PRR5L: variants seen among roughly 807,000 people sequenced by gnomAD.
PRR5L encodes the protein proline-rich protein 5-like.
A neutral mutation model predicts 36.4 loss-of-function variants in PRR5L; 21 were observed. That is an observed-to-expected ratio of 0.58 (90% confidence interval 0.41 to 0.83). PRR5L has a LOEUF of 0.83. Ranked by LOEUF, PRR5L falls within the 40% of genes least tolerant of loss-of-function variation. The pLI is 0.00. For synonymous variants in PRR5L, 188 were observed against 197.0 expected, an observed-to-expected ratio of 0.95 and a Z score of 0.38; for missense variants, 381 against 473.3, an observed-to-expected ratio of 0.80 and a Z score of 1.81.
chr11:36,399,295 T>A (rs1857737568), intron 1 of PRR5L, among the ~76,000 whole-genome samples: 1 of 152,218 alleles, frequency 6.6e-6, no homozygotes, highest in African/African-American at 2.4e-5. Flanking sequence ...AAGTCTGCTT[T>A]CCTTAAAAGA....
chr11:36,364,862 C>G (rs1857128151), intron 1 of PRR5L, among the ~76,000 whole-genome samples: 1 of 152,182 alleles, frequency 6.6e-6, no homozygotes, highest in South Asian at 2.1e-4. Context: ...CTCTAAACCT[C>G]AATTTGTTTC....
intron 1 of PRR5L, among the ~76,000 whole-genome samples, chr11:36,356,080 T>A (rs1021788295): frequency 1.3e-5 from 2 of 151,658 alleles, no homozygotes; most frequent in South Asian, 4.2e-4. Flanking sequence ...CTCAGCTAAT[T>A]TTTGTATTTT....
intron 1 of PRR5L, among the ~76,000 whole-genome samples, chr11:36,340,992 T>C (rs1337590648): frequency 6.6e-6 from 1 of 152,162 alleles, no homozygotes; most frequent in Non-Finnish European, 1.5e-5. Flanking sequence ...TAAGCCTCCG[T>C]CCAACTCTCA....
At position 36,464,445 on chromosome 11, in the gene PRR5L, G is replaced by GTTAT. The variant is rs1450481594; in HGVS notation, c.*1712_*1715dup. 2.6e-5 allele frequency: 4 copies of GTTAT among 152,174 alleles called. No individual in the cohort carries two copies. Among genetic ancestry groups the GTTAT allele is most frequent in the African/African-American group, 9.7e-5 (4 of 41,432 alleles). The allele number at this position is 152,174 out of a possible 1,614,324, so 9.4% of individuals were successfully genotyped here. ...GGAATTTAGAAATTTTATTTTAAGA[G>GTTAT]TTATTTCATTTTCATCCTAAGAGTG... On this transcript the variant is annotated 3_prime_UTR_variant, in exon 9 of 9. Coordinates refer to ENST00000530639, the MANE Select transcript of PRR5L (RefSeq NM_001160167.2).
chr11:36,457,161 G>A (rs575406360), intron 8 of PRR5L, among the ~76,000 whole-genome samples: 11 of 152,360 alleles, frequency 7.2e-5, no homozygotes, highest in Non-Finnish European at 1.5e-4. Flanking sequence ...TGTCTGCCAA[G>A]CAAGTTGATT....
intron 1 of PRR5L, among the ~76,000 whole-genome samples, chr11:36,378,254 G>C (rs1049245661): frequency 3.9e-5 from 6 of 152,154 alleles, no homozygotes; most frequent in African/African-American, 1.4e-4. Flanking sequence ...TTTAGCCCCT[G>C]GTAAGGTTCC....
intron 1 of PRR5L, among the ~76,000 whole-genome samples, chr11:36,378,503 T>C (rs1437865572): frequency 6.6e-6 from 1 of 152,228 alleles, no homozygotes; most frequent in African/African-American, 2.4e-5. Flanking sequence ...GAACCACTAA[T>C]ATGTAAAAGA....
At chr11:36,342,872 CT>C in intron 1 of PRR5L, among the ~76,000 whole-genome samples, 1 of 152,154 alleles carries the variant, frequency 6.6e-6, no homozygotes, top group East Asian at 1.9e-4. Context: ...ATAGTCTCTC[CT>C]TAAAACCTGC....
intron 1 of PRR5L, among the ~76,000 whole-genome samples, chr11:36,305,635 G>C (rs1312951893): frequency 6.6e-6 from 1 of 152,168 alleles, no homozygotes; most frequent in Non-Finnish European, 1.5e-5. Flanking sequence ...TCATAAGGGT[G>C]GGGCCCTCCT....
intron 1 of PRR5L, among the ~76,000 whole-genome samples, chr11:36,383,982 TTA>T (rs1455420340): frequency 1.3e-5 from 2 of 152,168 alleles, no homozygotes; most frequent in African/African-American, 4.8e-5. Context: ...TCATGACCAA[TTA>T]CTATTCCCTT....
intron 1 of PRR5L, among the ~76,000 whole-genome samples, chr11:36,387,742 G>C (rs759908589): frequency 1.2e-4 from 18 of 152,196 alleles, no homozygotes; most frequent in Non-Finnish European, 1.9e-4. Flanking sequence ...GATTAGTGCA[G>C]GCTTACCTTA....
chr11:36,432,680 C>T (rs539999043), intron 5 of PRR5L, among the ~76,000 whole-genome samples: 9 of 152,200 alleles, frequency 5.9e-5, no homozygotes, highest in African/African-American at 1.4e-4. Context: ...ACATGAGTGG[C>T]ATAACACCAT....
chr11:36,450,656 T>A (rs1429533446), intron 7 of PRR5L, among the ~76,000 whole-genome samples: 1 of 152,242 alleles, frequency 6.6e-6, no homozygotes, highest in African/African-American at 2.4e-5. Context: ...TCTTCTTTTC[T>A]AGCCTGTTAG....
rs1458031309 is a variant in PRR5L, at chr11:36,396,744, G to T, written c.-125-4253G>T. 4.6e-5 allele frequency among the ~76,000 whole-genome samples: 7 copies of T among 152,170 alleles called. No individual in the cohort carries two copies. In the East Asian group the frequency reaches 1.3e-3, roughly 29 times the overall value. ...CAGAGAGGTCAAGTAACTTGATCAA[G>T]GTCACACAGCTCATAGGGAGTGGGT... On this transcript the variant is annotated intron_variant, in intron 1 of 8. Coordinates refer to ENST00000530639, the MANE Select transcript of PRR5L (RefSeq NM_001160167.2).
At chr11:36,304,607 C>G (rs1184153367) in intron 1 of PRR5L, among the ~76,000 whole-genome samples, 1 of 152,208 alleles carries the variant, frequency 6.6e-6, no homozygotes, top group South Asian at 2.1e-4. Context: ...TAAACCCCTG[C>G]TAGTAAACAT....
chr11:36,329,381 A>G (rs1343741371), intron 1 of PRR5L: 1 of 152,198 alleles, frequency 6.6e-6, no homozygotes, highest in Non-Finnish European at 1.5e-5. Flanking sequence ...GGTGGGAGAA[A>G]AATTGGAAAC....
chr11:36,356,361 G>T (rs538844485), intron 1 of PRR5L, among the ~76,000 whole-genome samples: 2 of 152,256 alleles, frequency 1.3e-5, no homozygotes, highest in South Asian at 4.1e-4. Flanking sequence ...CCTCTGAGTG[G>T]GTGGTTTCTG....
At chr11:36,331,258 T>G (rs2133472189) in intron 1 of PRR5L, among the ~76,000 whole-genome samples, 1 of 152,328 alleles carries the variant, frequency 6.6e-6, no homozygotes, top group African/African-American at 2.4e-5. Flanking sequence ...CCTAATTTGT[T>G]TAACATCTCT....
chr11:36,374,545 C>T (rs1435198429), intron 1 of PRR5L, among the ~76,000 whole-genome samples: 6 of 151,860 alleles, frequency 4.0e-5, no homozygotes, highest in African/African-American at 1.5e-4. Flanking sequence ...TGAAATAAAA[C>T]TTGAAGGAGA....
Sources: gnomAD v4.1 joint callset for allele counts (sites outside exome capture counted in the v4.1 genomes callset) on GRCh38, gnomAD v4.1.1 for gene constraint, MANE v1.5 for transcripts, NCBI Gene and HGNC (gene_info 2026-07-23, HGNC 2026-07-21) for gene names.